Variants in KCNG3 observed in about 807,000 individuals in gnomAD.
KCNG3 encodes the protein voltage-gated potassium channel regulatory subunit KCNG3.
KCNG3 carries 15 observed loss-of-function variants against 29.0 expected under a neutral mutation model. That is an observed-to-expected ratio of 0.52 (90% CI 0.35 to 0.80). KCNG3 has a LOEUF of 0.80. KCNG3 is among the 30% of genes least tolerant of loss of function. KCNG3 has a pLI of 0.01. For synonymous variants in KCNG3, 322 were observed against 248.9 expected, an observed-to-expected ratio of 1.29 and a Z score of -2.76; for missense variants, 512 against 605.7, an observed-to-expected ratio of 0.85 and a Z score of 1.62.
the KCNG3 span, among the ~76,000 whole-genome samples, chr2:42,425,961 T>G: frequency 1.3e-5 from 2 of 152,250 alleles, no homozygotes; most frequent in Non-Finnish European, 2.9e-5. Flanking sequence ...GTAGCATGTA[T>G]TTAGTATCAG....
At chr2:42,452,567 T>A (rs192629441) in intron 1 of KCNG3, among the ~76,000 whole-genome samples, 4 of 152,034 alleles carry the variant, frequency 2.6e-5, no homozygotes, top group Non-Finnish European at 5.9e-5. Context: ...ACTCTCTATA[T>A]TCATGAGTTC....
the KCNG3 span, among the ~76,000 whole-genome samples, chr2:42,436,453 CT>C: frequency 6.6e-6 from 1 of 152,178 alleles, no homozygotes; most frequent in Non-Finnish European, 1.5e-5. Context: ...CATTTTTAAA[CT>C]TCCCTAAAAA....
chr2:42,410,842 G>C, the KCNG3 span, among the ~76,000 whole-genome samples: 16 of 152,246 alleles, frequency 1.1e-4, no homozygotes, highest in Middle Eastern at 3.4e-3. Context: ...AAACTGTACA[G>C]TCAAGGTTGG....
the KCNG3 span, among the ~76,000 whole-genome samples, chr2:42,412,640 C>A: frequency 6.6e-6 from 1 of 152,072 alleles, no homozygotes; most frequent in South Asian, 2.1e-4. Context: ...GATAAAATAA[C>A]CTTTGTGCAT....
chr2:42,448,710 C>G (rs922011067), intron 1 of KCNG3, among the ~76,000 whole-genome samples: 1 of 152,142 alleles, frequency 6.6e-6, no homozygotes, highest in Non-Finnish European at 1.5e-5. Context: ...ACGCTTATGG[C>G]CGGGAGCGGT....
At chr2:42,473,178 G>T (rs1031245201) in intron 1 of KCNG3, among the ~76,000 whole-genome samples, 6 of 151,648 alleles carry the variant, frequency 4.0e-5, no homozygotes, top group African/African-American at 9.7e-5. Context: ...TTACAGGTGT[G>T]AGCCACCGCG....
the KCNG3 span, among the ~76,000 whole-genome samples, chr2:42,391,662 G>A: frequency 7.3e-6 from 1 of 137,330 alleles, no homozygotes; most frequent in East Asian, 2.1e-4. Context: ...GAGTGCAGTG[G>A]CGGGATCTCG....
At chr2:42,391,595 C>T in the KCNG3 span, among the ~76,000 whole-genome samples, 4 of 88,114 alleles carry the variant, frequency 4.5e-5, no homozygotes, top group African/African-American at 4.9e-5. Flanking sequence ...TTTTATATCT[C>T]TTTTTTTTTT....
intron 1 of KCNG3, among the ~76,000 whole-genome samples, chr2:42,451,202 C>T (rs1188392939): frequency 3.5e-5 from 1 of 28,720 alleles, no homozygotes; most frequent in Non-Finnish European, 5.8e-5. Context: ...AAGACTCCAA[C>T]TCAAAAAAAA....
the KCNG3 span, among the ~76,000 whole-genome samples, chr2:42,406,168 A>C: frequency 6.6e-6 from 1 of 152,092 alleles, no homozygotes; most frequent in South Asian, 2.1e-4. Flanking sequence ...ACAGGGTTTC[A>C]TTGTCATTCA....
At chr2:42,404,836 A>G in the KCNG3 span, among the ~76,000 whole-genome samples, 1 of 152,198 alleles carries the variant, frequency 6.6e-6, no homozygotes, top group Non-Finnish European at 1.5e-5. Context: ...ATCCCGGGTC[A>G]CAAAGCCATG....
At chr2:42,469,579 T>C (rs1490289318) in intron 1 of KCNG3, among the ~76,000 whole-genome samples, 1 of 152,090 alleles carries the variant, frequency 6.6e-6, no homozygotes, top group African/African-American at 2.4e-5. Flanking sequence ...ATTAAATTCC[T>C]CACATAAATA....
chr2:42,412,418 C>A, the KCNG3 span, among the ~76,000 whole-genome samples: 4 of 152,078 alleles, frequency 2.6e-5, no homozygotes, highest in Non-Finnish European at 5.9e-5. Flanking sequence ...TTTAGTGTGA[C>A]TATTATAGTA....
chr2:42,436,504 C>A, the KCNG3 span, among the ~76,000 whole-genome samples: 3 of 152,228 alleles, frequency 2.0e-5, no homozygotes, highest in Non-Finnish European at 4.4e-5. Flanking sequence ...CAGAGCCACA[C>A]TGCCAATAAC....
At chr2:42,403,418 C>T in the KCNG3 span, among the ~76,000 whole-genome samples, 2 of 151,496 alleles carry the variant, frequency 1.3e-5, no homozygotes, top group African/African-American at 2.4e-5. Flanking sequence ...TCTAGGATTA[C>T]AGGCATGAGC....
rs1322726713 is a variant in KCNG3, at chr2:42,443,906, G to C, written c.*28C>G. 7.0e-6 allele frequency: 11 copies of C among 1,571,660 alleles called. No individual in the cohort carries two copies. Among genetic ancestry groups the C allele is most frequent in the Non-Finnish European group, 9.5e-6 (11 of 1,157,638 alleles). Reference sequence around the variant, plus strand: ...AGCAGCATCAAAGTCTTTCTATGAAGTGTATGCAAGAATTGATTTGCAATG... The same window carrying C: ...AGCAGCATCAAAGTCTTTCTATGAACTGTATGCAAGAATTGATTTGCAATG... On this transcript the variant is annotated 3_prime_UTR_variant, in exon 2 of 2. Coordinates refer to ENST00000306078, the MANE Select transcript of KCNG3 (RefSeq NM_133329.6).
At chr2:42,427,374 C>T in the KCNG3 span, among the ~76,000 whole-genome samples, 1 of 152,064 alleles carries the variant, frequency 6.6e-6, no homozygotes, top group South Asian at 2.1e-4. Context: ...GAGGCTGAGG[C>T]AGGTGGATTT....
chr2:42,438,640 G>A (rs1260881327), downstream of KCNG3, among the ~76,000 whole-genome samples: 1 of 152,192 alleles, frequency 6.6e-6, no homozygotes, highest in African/African-American at 2.4e-5. Flanking sequence ...TAAGCAAATA[G>A]TAGTAAACTG....
rs1228812173 is a variant in KCNG3 at position 42,443,003 on chromosome 2, T to C, written c.*931A>G. 4.6e-5 allele frequency: 7 copies of C among 152,322 alleles called. No individual in the cohort carries two copies. Among genetic ancestry groups the C allele is most frequent in the Middle Eastern group, 3.4e-3 (1 of 294 alleles). 9.4% of individuals were successfully genotyped at this position (152,322 alleles called of 1,614,324 possible). A position where few individuals can be genotyped will look rare whatever the true frequency, so the allele number is the denominator to read the frequency against. ...GTATGACTTTGCTACTAAAAGGCTA[T>C]ATAAATATCCTTTCATCTGATAAGT... On this transcript the variant is annotated 3_prime_UTR_variant, in exon 2 of 2. Coordinates refer to ENST00000306078, the MANE Select transcript of KCNG3 (RefSeq NM_133329.6).
Sources: allele counts gnomAD v4.1 joint callset (sites outside exome capture counted in the v4.1 genomes callset), GRCh38; gene constraint gnomAD v4.1.1; transcripts MANE v1.5; gene names NCBI Gene and HGNC (gene_info 2026-07-23, HGNC 2026-07-21).